The following ZDHHC23 variants were observed in gnomAD, a reference collection of about 807,000 sequenced individuals.
ZDHHC23 encodes the protein zDHHC palmitoyltransferase 23.
A neutral mutation model predicts 40.2 loss-of-function variants in ZDHHC23; 41 were observed. The ratio of observed to expected loss-of-function variants is 1.02; its 90% CI spans 0.79 to 1.32. ZDHHC23 has a LOEUF of 1.32. Ranked by LOEUF, ZDHHC23 falls within the 40% of genes most tolerant of loss-of-function variation. The probability of loss-of-function intolerance (pLI) is 0.00; values close to 1 mark genes in which losing one functional copy is unlikely to be tolerated. For synonymous variants in ZDHHC23, 204 were observed against 210.2 expected, an observed-to-expected ratio of 0.97 and a Z score of 0.26; for missense variants, 471 against 541.5, an observed-to-expected ratio of 0.87 and a Z score of 1.29.
rs1159910733 is a variant in ZDHHC23 at position 113,954,217 on chromosome 3, G to A, written c.679G>A (p.Ala227Thr). 9.9e-6 allele frequency: 16 copies of A among 1,614,100 alleles called. No homozygotes were observed. Among genetic ancestry groups the A allele is most frequent in the Non-Finnish European group, 1.4e-5 (16 of 1,180,052 alleles). The change falls in exon 3 of 5, where the codon GCA (alanine) becomes ACA (threonine). Residue 227 changes from alanine to threonine, a missense_variant. Ala to Thr is a moderately conservative substitution (Grantham distance 58). Around this residue, in one of 3 missense-constraint regions of ZDHHC23, gnomAD observed 346 missense variants for 399.8 expected, o/e 0.87. Transcript: ENST00000638807. The part of the protein sequence containing the change: ...GQEKTKGFPG[A>T]DMSGSLNNRT... ...GGAGAAGACCAAAGGGTTCCCTGGG[G>A]CAGACATGTCGGGCAGTCTCAACAA...
downstream of ZDHHC23, chr3:113,964,983 A>G: frequency 2.3e-6 from 1 of 432,980 alleles, no homozygotes; most frequent in South Asian, 7.1e-5. Flanking sequence ...AATGACTAGC[A>G]ATCCAGGAAA....
intron 4 of ZDHHC23, among the ~76,000 whole-genome samples, chr3:113,958,075 TATGTC>T (rs1366445256): frequency 6.6e-6 from 1 of 152,140 alleles, no homozygotes; most frequent in Non-Finnish European, 1.5e-5. Context: ...TGAACGCTGT[TATGTC>T]AGGCAGCGTG....
Position 113,960,702 on chromosome 3 carries a change from A to G in ZDHHC23, c.*2072A>G, listed in dbSNP as rs921700991. ...TTAGGAATGATGACAATTTTTTTTA[A>G]CAACTTACCTCTAATAGGGTTACTT... is the stretch of plus-strand genomic sequence containing the variant. On this transcript the variant is annotated 3_prime_UTR_variant, in exon 5 of 5. Transcript: ENST00000638807. 17 of 1,606,056 alleles carry G rather than the reference A, an allele frequency of 1.1e-5. No individual in the cohort carries two copies. Among genetic ancestry groups the G allele is most frequent in the Non-Finnish European group, 1.4e-5 (17 of 1,177,040 alleles).
the ZDHHC23 span, among the ~76,000 whole-genome samples, chr3:113,976,882 G>A: frequency 6.6e-6 from 1 of 152,138 alleles, no homozygotes. Context: ...GAGGTCCTCT[G>A]AATGCCCTCA....
chr3:113,974,323 TG>T, the ZDHHC23 span, among the ~76,000 whole-genome samples: 6 of 145,354 alleles, frequency 4.1e-5, no homozygotes, highest in Non-Finnish European at 8.9e-5. Flanking sequence ...TGCTGTTTTT[TG>T]TTTTTTTTTT....
downstream of ZDHHC23, chr3:113,964,488 A>G (rs1314335635): frequency 6.6e-6 from 1 of 152,258 alleles, no homozygotes; most frequent in Admixed American, 6.5e-5. Flanking sequence ...GGGAGCATGA[A>G]CAGATAATTT....
chr3:113,976,496 G>C, the ZDHHC23 span, among the ~76,000 whole-genome samples: 3 of 152,010 alleles, frequency 2.0e-5, no homozygotes, highest in African/African-American at 7.3e-5. Flanking sequence ...CCACATCCAA[G>C]TTATTACTGC....
rs202242196 is a variant in ZDHHC23 at position 113,958,506 on chromosome 3, G to A, written c.1184G>A (p.Arg395His). The A allele has an allele frequency of 8.7e-6, 14 of 1,613,840 alleles. No homozygotes were observed. The highest frequency in any genetic ancestry group is 1.6e-4 in the Middle Eastern group (1 of 6,084). Residue 395 changes from arginine to histidine, a missense_variant, in exon 5 of 5, where the codon CGC becomes CAC. Physicochemically the swap from Arg to His is conservative, Grantham distance 29. Around this residue, in one of 3 missense-constraint regions of ZDHHC23, gnomAD observed 346 missense variants for 399.8 expected, o/e 0.87. Transcript: ENST00000638807. ...CAGGCCCTCCGACAGAAGACTGGGC[G>A]CCGGCTCCTCTGCGGGCTCATCGTG... is the stretch of plus-strand genomic sequence containing the variant. ...VQQALRQKTGRRLLCGLIVDT... is the reference protein window; with the variant it reads ...VQQALRQKTGHRLLCGLIVDT...
chr3:113,967,403 T>C (rs1940313122), downstream of ZDHHC23, among the ~76,000 whole-genome samples: 1 of 151,946 alleles, frequency 6.6e-6, no homozygotes, highest in Admixed American at 6.6e-5. Flanking sequence ...ACATTTCTCT[T>C]TCTTTCCCTA....
chr3:113,957,055 G>C (rs1939296131), intron 4 of ZDHHC23, among the ~76,000 whole-genome samples: 2 of 152,010 alleles, frequency 1.3e-5, no homozygotes, highest in African/African-American at 4.8e-5. Flanking sequence ...TGATTACTGT[G>C]ATATGTAGGT....
At chr3:113,965,091 G>A, downstream of ZDHHC23, 2 of 887,684 alleles carry the variant, frequency 2.3e-6, no homozygotes, top group African/African-American at 1.7e-5. Flanking sequence ...GTGTGTGGGT[G>A]GGTGGAGATA....
At chr3:113,956,148 A>G (rs1939206849) in intron 3 of ZDHHC23, among the ~76,000 whole-genome samples, 191 bp from the exon 4 acceptor site, 1 of 152,194 alleles carries the variant, frequency 6.6e-6, no homozygotes, top group Admixed American at 6.5e-5. Context: ...AGGCTGAGGC[A>G]GGAGAATTGC....
Position 113,961,996 on chromosome 3 carries a change from T to C in ZDHHC23, c.*3366T>C, listed in dbSNP as rs1939712753. ...GACTTAAGGGTCTTTTTAACCTAGG[T>C]AAGTTTATATGACCTAACTTAATTG... On this transcript the variant is annotated 3_prime_UTR_variant, in exon 5 of 5. Coordinates refer to ENST00000638807, the MANE Select transcript of ZDHHC23 (RefSeq NM_001320466.2). 6.6e-6 allele frequency: 1 copy of C among 152,640 alleles called. No homozygotes were observed. The highest frequency in any genetic ancestry group is 2.4e-5 in the African/African-American group (1 of 41,462). 9.5% of individuals were successfully genotyped at this position (152,640 alleles called of 1,614,324 possible).
rs1349282465 is a variant in ZDHHC23 at position 113,958,960 on chromosome 3, A to T, written c.*330A>T. ...AGTATGGAGGAAAGAGTGTTGGATT[A>T]GGATAGTTTCTAGTCCCTCTTTCGA... On this transcript the variant is annotated 3_prime_UTR_variant, in exon 5 of 5. Coordinates refer to ENST00000638807, the MANE Select transcript of ZDHHC23 (RefSeq NM_001320466.2). 8.4e-7 allele frequency: 1 copy of T among 1,196,042 alleles called. No individual in the cohort carries two copies. Among genetic ancestry groups the T allele is most frequent in the East Asian group, 5.7e-5 (1 of 17,414 alleles). The allele number at this position is 1,196,042 out of a possible 1,614,324, so 74.1% of individuals were successfully genotyped here. A position where few individuals can be genotyped will look rare whatever the true frequency, so the allele number is the denominator to read the frequency against.
rs1019468570 is a variant in ZDHHC23 at position 113,962,632 on chromosome 3, G to C, written c.*4002G>C. The C allele has an allele frequency of 6.6e-6, 1 of 152,206 alleles. No individual in the cohort carries two copies. Among genetic ancestry groups the C allele is most frequent in the Admixed American group, 6.5e-5 (1 of 15,286 alleles). The allele number at this position is 152,206 out of a possible 1,614,324, so 9.4% of individuals were successfully genotyped here. ...CAACTCATTGTGATCCTAATGGTCT[G>C]GGTGATTGGATGGTTTGAGTTGTTA... On this transcript the variant is annotated 3_prime_UTR_variant, in exon 5 of 5. Coordinates refer to ENST00000638807, the MANE Select transcript of ZDHHC23 (RefSeq NM_001320466.2).
rs1553732091 is a variant in ZDHHC23 at position 113,955,389 on chromosome 3, T to TGTGC, written c.873-946_873-943dup. 1.0e-3 allele frequency among the ~76,000 whole-genome samples: 145 copies of TGTGC among 140,242 alleles called. 2 individuals are homozygous for TGTGC. The highest frequency in any genetic ancestry group is 6.2e-3 in the East Asian group (30 of 4,848). 92.0% of individuals were successfully genotyped at this position (140,242 alleles called of 152,430 possible). A position where few individuals can be genotyped will look rare whatever the true frequency, so the allele number is the denominator to read the frequency against. ...GTGTGTGTGTGTGTGTGTGTGTGTG[T>TGTGC]GTGCGTGTGTGTTCCATTTACAAAT... On this transcript the variant is annotated intron_variant, in intron 3 of 4. Transcript: ENST00000638807.
chr3:113,978,245 G>A, the ZDHHC23 span: 2 of 1,613,828 alleles, frequency 1.2e-6, no homozygotes, highest in East Asian at 4.5e-5. Context: ...TCACCTCCCT[G>A]ACCATGTTAA....
downstream of ZDHHC23, among the ~76,000 whole-genome samples, chr3:113,967,120 A>G (rs1940265143): frequency 6.6e-6 from 1 of 151,478 alleles, no homozygotes; most frequent in Admixed American, 6.6e-5. Context: ...AAAAAGAAAA[A>G]AAGAAAAAGG....
At chr3:113,953,062 T>A (rs972530733) in intron 2 of ZDHHC23, among the ~76,000 whole-genome samples, 2 of 152,236 alleles carry the variant, frequency 1.3e-5, no homozygotes, top group African/African-American at 4.8e-5. Context: ...ATTTGACTCA[T>A]ACTAGTTTGA....
Sources: allele counts gnomAD v4.1 joint callset (sites outside exome capture counted in the v4.1 genomes callset), GRCh38; gene constraint gnomAD v4.1.1; regional missense constraint gnomAD v4.1.1; transcripts MANE v1.5; gene names NCBI Gene and HGNC (gene_info 2026-07-23, HGNC 2026-07-21).